The following NR2F1-AS1 variants were observed in gnomAD, a reference collection of about 807,000 sequenced individuals.
NR2F1-AS1 encodes NR2F1 regulatory antisense RNA 1, also known as NR2F1 antisense RNA 1.
chr5:93,581,764 TCTCC>T (rs1561519592), upstream of NR2F1-AS1, among the ~76,000 whole-genome samples: 1 of 1,776 alleles, frequency 5.6e-4, no homozygotes, highest in Admixed American at 8.6e-3. Context: ...CCCTCTCCTC[TCTCC>T]CTCTCCCTCT....
chr5:93,537,998 T>C lies in NR2F1-AS1; in HGVS notation n.638+15763A>G, dbSNP rs141183217. On this transcript the variant is annotated intron_variant and non_coding_transcript_variant, in intron 4 of 5. Transcript: ENST00000660523. The stretch of plus-strand genomic sequence containing the variant: ...TGGTAGGTGAATTGGCATATATACA[T>C]AGTCCAGCCTGAGTGAGTATGGGTG... 1.9e-3 allele frequency among the ~76,000 whole-genome samples: 289 copies of C among 152,218 alleles called. 1 individual carries two copies. The highest frequency in any genetic ancestry group is 6.6e-3 in the African/African-American group (276 of 41,540).
chr5:93,545,525 A>G (rs568817734), intron 4 of NR2F1-AS1, among the ~76,000 whole-genome samples: 2 of 152,362 alleles, frequency 1.3e-5, no homozygotes, highest in Non-Finnish European at 2.9e-5. Flanking sequence ...CTCTAAGGCC[A>G]AATTCATTTT....
At chr5:93,421,856 C>T (rs1385210855) in intron 4 of NR2F1-AS1, among the ~76,000 whole-genome samples, 1 of 152,112 alleles carries the variant, frequency 6.6e-6, no homozygotes, top group African/African-American at 2.4e-5. Flanking sequence ...AGAAAATAAC[C>T]ATACATAATT....
At chr5:93,420,188 T>C (rs1749059251) in intron 4 of NR2F1-AS1, among the ~76,000 whole-genome samples, 1 of 152,054 alleles carries the variant, frequency 6.6e-6, no homozygotes, top group African/African-American at 2.4e-5. Context: ...AATGAGACTG[T>C]CTCAAAACCA....
At chr5:93,500,815 A>AT (rs1006079298) in intron 4 of NR2F1-AS1, among the ~76,000 whole-genome samples, 2 of 151,886 alleles carry the variant, frequency 1.3e-5, no homozygotes, top group African/African-American at 2.4e-5. Flanking sequence ...AATTTTTTGT[A>AT]TTTTTTGTAC....
At chr5:93,479,668 A>C (rs1237513015) in intron 4 of NR2F1-AS1, among the ~76,000 whole-genome samples, 2 of 152,142 alleles carry the variant, frequency 1.3e-5, no homozygotes, top group African/African-American at 4.8e-5. Flanking sequence ...ATGGGGGAAA[A>C]AAATGATAAA....
intron 4 of NR2F1-AS1, among the ~76,000 whole-genome samples, chr5:93,509,748 AT>A (rs1751257919): frequency 6.6e-6 from 1 of 151,838 alleles, no homozygotes; most frequent in African/African-American, 2.4e-5. Flanking sequence ...TATGTTTGAA[AT>A]TTTTCCCTAT....
intron 4 of NR2F1-AS1, among the ~76,000 whole-genome samples, chr5:93,533,229 G>A (rs927617803): frequency 6.6e-6 from 1 of 152,090 alleles, no homozygotes; most frequent in Admixed American, 6.5e-5. Flanking sequence ...AATGTGGCCA[G>A]ATTTTTTTTT....
chr5:93,535,295 T>G (rs770427695), intron 4 of NR2F1-AS1, among the ~76,000 whole-genome samples: 10 of 150,588 alleles, frequency 6.6e-5, no homozygotes, highest in Non-Finnish European at 1.2e-4. Flanking sequence ...AAGAAAAAAA[T>G]AAAAAACAAT....
At chr5:93,541,124 C>T (rs1001535179) in intron 4 of NR2F1-AS1, among the ~76,000 whole-genome samples, 3 of 152,174 alleles carry the variant, frequency 2.0e-5, no homozygotes, top group Non-Finnish European at 2.9e-5. Context: ...AAGAAATACA[C>T]AACTGCTTTA....
At chr5:93,422,743 T>C (rs1469481673) in intron 4 of NR2F1-AS1, among the ~76,000 whole-genome samples, 2 of 152,220 alleles carry the variant, frequency 1.3e-5, no homozygotes, top group African/African-American at 4.8e-5. Flanking sequence ...GCACCACATT[T>C]ACAACTGTAA....
chr5:93,555,901 T>G (rs562414640), intron 2 of NR2F1-AS1, among the ~76,000 whole-genome samples: 1 of 152,352 alleles, frequency 6.6e-6, no homozygotes, highest in African/African-American at 2.4e-5. Flanking sequence ...ATGTTTTTCT[T>G]CTTGTCATTG....
chr5:93,497,170 T>C (rs930221299), intron 4 of NR2F1-AS1, among the ~76,000 whole-genome samples: 15 of 152,158 alleles, frequency 9.9e-5, no homozygotes, highest in African/African-American at 3.4e-4. Flanking sequence ...TAGACTATGA[T>C]AGAAACAAAA....
At chr5:93,452,858 A>G (rs1749866319) in intron 4 of NR2F1-AS1, among the ~76,000 whole-genome samples, 1 of 152,216 alleles carries the variant, frequency 6.6e-6, no homozygotes, top group Non-Finnish European at 1.5e-5. Context: ...TGCCAAAAAA[A>G]GTCCCACACA....
intron 4 of NR2F1-AS1, among the ~76,000 whole-genome samples, chr5:93,416,861 TA>T (rs199875116): frequency 1.5e-4 from 23 of 151,578 alleles, no homozygotes; most frequent in East Asian, 5.8e-4. Flanking sequence ...GTGGTTTATT[TA>T]AAAAAAAAGT....
chr5:93,527,172 C>G (rs1328586032), intron 4 of NR2F1-AS1, among the ~76,000 whole-genome samples: 1 of 152,096 alleles, frequency 6.6e-6, no homozygotes, highest in South Asian at 2.1e-4. Flanking sequence ...AATCAATGTG[C>G]AAAAATCACA....
In NR2F1-AS1 at chr5:93,579,436, A is replaced by G. The variant is rs1292658238; in HGVS notation, n.313+1031T>C. 6.6e-6 allele frequency among the ~76,000 whole-genome samples: 1 copy of G among 152,088 alleles called. No homozygotes were observed. The highest frequency in any genetic ancestry group is 1.5e-5 in the Non-Finnish European group (1 of 68,016). On this transcript the variant is annotated intron_variant and non_coding_transcript_variant, in intron 1 of 5. Coordinates refer to ENST00000660523, the Ensembl canonical transcript of NR2F1-AS1. This position sits in a 1 kb window ranked among gnomAD's most constrained non-coding sequence, Gnocchi z 5.1. ...GTCCCAGGGGCCTCTTTCAAGTTTGAAAGCTCTGTGGGGGCACGGAGAGCC... is the reference window on the plus strand; with the variant it reads ...GTCCCAGGGGCCTCTTTCAAGTTTGGAAGCTCTGTGGGGGCACGGAGAGCC...
intron 4 of NR2F1-AS1, among the ~76,000 whole-genome samples, chr5:93,443,320 C>T (rs112888861): frequency 3.3e-5 from 5 of 152,242 alleles, no homozygotes; most frequent in African/African-American, 1.2e-4. Flanking sequence ...AGACAAATGG[C>T]TAACTAGAAT....
intron 4 of NR2F1-AS1, among the ~76,000 whole-genome samples, chr5:93,445,715 C>T (rs575853284): frequency 2.4e-3 from 364 of 152,284 alleles, no homozygotes; most frequent in African/African-American, 7.8e-3. Flanking sequence ...CCAGCATCAT[C>T]CTGATACCAA....
Sources: allele counts gnomAD v4.1 joint callset (sites outside exome capture counted in the v4.1 genomes callset), GRCh38; gene constraint gnomAD v4.1.1; non-coding constraint Gnocchi (gnomAD v3.1); transcripts MANE v1.5; gene names NCBI Gene and HGNC (gene_info 2026-07-23, HGNC 2026-07-21).